The following FHOD3 variants were observed in gnomAD, a reference collection of about 807,000 sequenced individuals.
FHOD3 encodes FH1/FH2 domain-containing protein 3.
In FHOD3, 90 loss-of-function variants were observed where a neutral mutation model predicts 173.0. That is an observed-to-expected ratio of 0.52 (90% CI 0.44 to 0.62). The LOEUF (loss-of-function observed/expected upper bound fraction) is 0.62. Ranked by LOEUF, FHOD3 falls within the 20% of genes least tolerant of loss-of-function variation. The pLI is 0.00. For synonymous variants in FHOD3, 828 were observed against 823.0 expected (o/e 1.01, Z -0.10); for missense variants, 1,945 against 2,034.7 (o/e 0.96, Z 0.85).
At chr18:36,394,415 G>A (rs2048450001) in intron 3 of FHOD3, among the ~76,000 whole-genome samples, 1 of 152,140 alleles carries the variant, frequency 6.6e-6, no homozygotes, top group African/African-American at 2.4e-5. Flanking sequence ...TGGATGGGAA[G>A]GAGCCAAGAG....
intron 11 of FHOD3, among the ~76,000 whole-genome samples, chr18:36,652,276 A>G (rs1056585769): frequency 6.6e-6 from 1 of 152,216 alleles, no homozygotes; most frequent in South Asian, 2.1e-4. Context: ...GGGCTCCAGT[A>G]AATTCCCAAA....
intron 3 of FHOD3, among the ~76,000 whole-genome samples, chr18:36,473,069 T>C (rs982263063): frequency 2.0e-5 from 3 of 152,202 alleles, no homozygotes; most frequent in African/African-American, 7.2e-5. Flanking sequence ...TGAAATGAGA[T>C]GTTTTAATCT....
chr18:36,699,230 T>C (rs1037858520), intron 17 of FHOD3, among the ~76,000 whole-genome samples: 1 of 152,246 alleles, frequency 6.6e-6, no homozygotes, highest in Non-Finnish European at 1.5e-5. Context: ...ATTTGTATCC[T>C]AAAGTCTGTT....
At position 36,652,564 on chromosome 18, in the gene FHOD3, C is replaced by A. The variant is rs901669812; in HGVS notation, c.1287-6C>A. On this transcript the variant is annotated splice_polypyrimidine_tract_variant and splice_region_variant and intron_variant, in intron 11 of 28. Coordinates refer to ENST00000590592, the MANE Select transcript of FHOD3 (RefSeq NM_001281740.3). ...TTCTTCCTCCTCCTCCCTGCTGGCC[C>A]AACAGCAAGGTCGGCGCTGCCTCAG... 5.3e-6 allele frequency: 8 copies of A among 1,521,664 alleles called. No individual in the cohort carries two copies. In the African/African-American group the frequency reaches 1.1e-4, roughly 21 times the overall value. 94.3% of individuals were successfully genotyped at this position (1,521,664 alleles called of 1,614,324 possible).
chr18:36,687,322 T>C (rs2038685776), intron 16 of FHOD3, 144 bp downstream of exon 16: 2 of 613,174 alleles, frequency 3.3e-6, no homozygotes, highest in Non-Finnish European at 5.7e-6. Flanking sequence ...CAGAGTGTAC[T>C]AGTTACCTAA....
chr18:36,718,851 T>C (rs1479703407), intron 19 of FHOD3, 136 bp downstream of exon 19: 11 of 1,421,452 alleles, frequency 7.7e-6, no homozygotes, highest in Non-Finnish European at 1.0e-5. Context: ...TGATCTTTAA[T>C]ATAGTGTTCC....
chr18:36,447,933 GA>G (rs1206651069), intron 3 of FHOD3, among the ~76,000 whole-genome samples: 4 of 152,216 alleles, frequency 2.6e-5, no homozygotes, highest in African/African-American at 7.2e-5. Flanking sequence ...CAGGCAGCTG[GA>G]GGGACCAGGA....
intron 5 of FHOD3, among the ~76,000 whole-genome samples, chr18:36,518,869 C>G (rs1201421006): frequency 1.3e-5 from 2 of 152,188 alleles, no homozygotes; most frequent in Admixed American, 6.5e-5. Flanking sequence ...GTCTGACCTC[C>G]ATCTGGCCTC....
At chr18:36,302,051 G>A (rs573806058) in intron 1 of FHOD3, among the ~76,000 whole-genome samples, 62 of 152,324 alleles carry the variant, frequency 4.1e-4, no homozygotes, top group Non-Finnish European at 5.7e-4. Context: ...TAGAAGGAGA[G>A]ACCAAGATTG....
At chr18:36,644,640 C>T (rs575515206) in intron 10 of FHOD3, among the ~76,000 whole-genome samples, 1 of 152,330 alleles carries the variant, frequency 6.6e-6, no homozygotes, top group Admixed American at 6.5e-5. Flanking sequence ...AAAGAGAAGA[C>T]AGCTTGGGAT....
chr18:36,637,790 T>C (rs2644258), intron 10 of FHOD3, among the ~76,000 whole-genome samples: 129,824 of 152,144 alleles, frequency 0.85, 55,578 homozygotes, highest in East Asian at 1. Flanking sequence ...TGCACAAGGA[T>C]GTGGACAGGG....
intron 5 of FHOD3, among the ~76,000 whole-genome samples, chr18:36,568,810 C>A (rs532629892): frequency 6.6e-6 from 1 of 152,030 alleles, no homozygotes; most frequent in Non-Finnish European, 1.5e-5. Flanking sequence ...GGAGATAAGC[C>A]AAAATTACTT....
chr18:36,571,565 C>G (rs2058452685), intron 5 of FHOD3, among the ~76,000 whole-genome samples: 1 of 152,048 alleles, frequency 6.6e-6, no homozygotes, highest in East Asian at 1.9e-4. Context: ...ATGGCTGAAC[C>G]AATTTTGAAA....
At chr18:36,585,249 C>T (rs954119944) in intron 6 of FHOD3, among the ~76,000 whole-genome samples, 1 of 152,060 alleles carries the variant, frequency 6.6e-6, no homozygotes, top group African/African-American at 2.4e-5. Flanking sequence ...ACATTATATT[C>T]GATGAGATTT....
intron 3 of FHOD3, among the ~76,000 whole-genome samples, chr18:36,378,613 AAAG>A (rs1489388558): frequency 2.7e-5 from 4 of 149,144 alleles, no homozygotes; most frequent in Non-Finnish European, 6.0e-5. Flanking sequence ...AAAAAAAAAA[AAAG>A]AGAGATGGGA....
chr18:36,695,349 A>G (rs2039219185), intron 17 of FHOD3, among the ~76,000 whole-genome samples: 1 of 149,212 alleles, frequency 6.7e-6, no homozygotes, highest in Admixed American at 6.6e-5. Context: ...CACCGTCTCA[A>G]AAATAAAAAA....
At chr18:36,315,472 G>T (rs1235560815) in intron 1 of FHOD3, among the ~76,000 whole-genome samples, 1 of 151,984 alleles carries the variant, frequency 6.6e-6, no homozygotes, top group Non-Finnish European at 1.5e-5. Flanking sequence ...TCCACCCAGT[G>T]TACAGAAGTT....
intron 14 of FHOD3, among the ~76,000 whole-genome samples, chr18:36,664,357 G>T (rs192456481): frequency 6.6e-6 from 1 of 152,160 alleles, no homozygotes; most frequent in Non-Finnish European, 1.5e-5. Flanking sequence ...CTTGGACTGC[G>T]CAGAAGCAGT....
intron 8 of FHOD3, among the ~76,000 whole-genome samples, chr18:36,611,120 TC>T (rs1437570026): frequency 6.6e-6 from 1 of 152,226 alleles, no homozygotes; most frequent in African/African-American, 2.4e-5. Flanking sequence ...CTCAAGTTTT[TC>T]TAAATTTCAT....
Sources: gnomAD v4.1 joint callset for allele counts (sites outside exome capture counted in the v4.1 genomes callset) on GRCh38, gnomAD v4.1.1 for gene constraint, MANE v1.5 for transcripts, NCBI Gene and HGNC (gene_info 2026-07-23, HGNC 2026-07-21) for gene names.